Variants in GALNT13 observed in about 807,000 individuals in gnomAD.
GALNT13 encodes UDP-GalNAc:polypeptide N-acetylgalactosaminyltransferase 13.
A neutral mutation model predicts 64.2 loss-of-function variants in GALNT13; 28 were observed. The ratio of observed to expected loss-of-function variants is 0.44; its 90% CI spans 0.32 to 0.60. The LOEUF is 0.60. GALNT13 is among the 20% of genes least tolerant of loss of function. GALNT13 has a pLI of 0.05. For synonymous variants in GALNT13, 214 were observed against 224.6 expected (o/e 0.95, Z 0.42); for missense variants, 577 against 669.8 (o/e 0.86, Z 1.53).
the GALNT13 span, among the ~76,000 whole-genome samples, chr2:153,792,030 T>C: frequency 2.0e-5 from 3 of 152,144 alleles, no homozygotes; most frequent in Non-Finnish European, 4.4e-5. Flanking sequence ...TTTACCTATA[T>C]AACAAACGTA....
At chr2:153,514,598 T>C in the GALNT13 span, among the ~76,000 whole-genome samples, 1 of 152,082 alleles carries the variant, frequency 6.6e-6, no homozygotes, top group East Asian at 1.9e-4. Flanking sequence ...ACATCTCCCC[T>C]CTCTTCTCCT....
the GALNT13 span, among the ~76,000 whole-genome samples, chr2:153,156,281 C>G: frequency 6.6e-6 from 1 of 152,148 alleles, no homozygotes; most frequent in African/African-American, 2.4e-5. Flanking sequence ...TTTCTTCTAA[C>G]AATTCTGTCA....
At chr2:153,443,287 G>C in the GALNT13 span, among the ~76,000 whole-genome samples, 120,197 of 152,064 alleles carry the variant, frequency 0.79, 48,417 homozygotes, top group Middle Eastern at 0.87. Flanking sequence ...CACAGCTTCC[G>C]TTGGCTAAAG....
intron 4 of GALNT13, among the ~76,000 whole-genome samples, chr2:154,233,058 GAAAA>G (rs1689012245): frequency 7.5e-6 from 1 of 134,030 alleles, no homozygotes; most frequent in African/African-American, 2.8e-5. Flanking sequence ...AAAAAAAAAA[GAAAA>G]AGAAAAGAAA....
the GALNT13 span, among the ~76,000 whole-genome samples, chr2:153,689,235 T>C: frequency 3.9e-5 from 6 of 152,050 alleles, no homozygotes; most frequent in Admixed American, 3.9e-4. Flanking sequence ...TATTCCCATT[T>C]TCATTCAGAT....
At chr2:153,647,866 T>C in the GALNT13 span, among the ~76,000 whole-genome samples, 17 of 152,212 alleles carry the variant, frequency 1.1e-4, no homozygotes, top group Admixed American at 2.0e-4. Context: ...TTGGTTACTG[T>C]AGCCTTGTAG....
intron 2 of GALNT13, among the ~76,000 whole-genome samples, chr2:153,914,791 T>A (rs1008797278): frequency 2.0e-5 from 3 of 152,196 alleles, no homozygotes; most frequent in African/African-American, 7.2e-5. Context: ...CAGTGTTTTT[T>A]TTCCAACCCT....
the GALNT13 span, among the ~76,000 whole-genome samples, chr2:153,215,760 A>AT: frequency 0.3 from 44,661 of 146,902 alleles, 6,748 homozygotes; most frequent in Middle Eastern, 0.42. Context: ...TCTTTCTAGC[A>AT]TTTTTTTTTT....
chr2:153,888,670 C>A (rs554653427), intron 1 of GALNT13, among the ~76,000 whole-genome samples: 1 of 151,988 alleles, frequency 6.6e-6, no homozygotes, highest in East Asian at 1.9e-4. Flanking sequence ...TAAACAATTT[C>A]TACATAAAAT....
chr2:154,245,346 G>A (rs1689725265), intron 6 of GALNT13, among the ~76,000 whole-genome samples: 1 of 151,950 alleles, frequency 6.6e-6, no homozygotes, highest in African/African-American at 2.4e-5. Context: ...TTCCTAGTAG[G>A]TGTTTTCTCC....
chr2:153,223,785 C>A, the GALNT13 span, among the ~76,000 whole-genome samples: 5 of 151,798 alleles, frequency 3.3e-5, no homozygotes, highest in African/African-American at 1.2e-4. Flanking sequence ...ATGGTGAAAT[C>A]CCGCCTCTAC....
intron 1 of GALNT13, among the ~76,000 whole-genome samples, chr2:153,877,563 T>C (rs1394566379): frequency 6.6e-6 from 1 of 152,160 alleles, no homozygotes; most frequent in Non-Finnish European, 1.5e-5. Context: ...CTCTTTTTTG[T>C]TAATAAAGTG....
chr2:153,456,160 A>C, the GALNT13 span, among the ~76,000 whole-genome samples: 11 of 152,206 alleles, frequency 7.2e-5, no homozygotes, highest in African/African-American at 2.4e-4. Context: ...GCAACATTCA[A>C]GCAGGAAAAC....
At chr2:153,802,791 A>C in the GALNT13 span, among the ~76,000 whole-genome samples, 1 of 152,228 alleles carries the variant, frequency 6.6e-6, no homozygotes, top group Non-Finnish European at 1.5e-5. Flanking sequence ...CATTACAGAA[A>C]CCAAAAGCTC....
the GALNT13 span, among the ~76,000 whole-genome samples, chr2:153,444,276 T>A: frequency 6.6e-6 from 1 of 152,166 alleles, no homozygotes. Context: ...CCCTCTTAGA[T>A]CATAAACGCC....
chr2:154,344,124 T>C (rs555673124), intron 9 of GALNT13, among the ~76,000 whole-genome samples: 84 of 152,158 alleles, frequency 5.5e-4, no homozygotes, highest in African/African-American at 1.8e-3. Context: ...TACAGATTCC[T>C]TAGTAGATAG....
At chr2:153,214,158 G>T in the GALNT13 span, among the ~76,000 whole-genome samples, 1 of 152,080 alleles carries the variant, frequency 6.6e-6, no homozygotes, top group African/African-American at 2.4e-5. Context: ...TCTACTTCAA[G>T]AATTTTGCAA....
chr2:153,795,749 T>C, the GALNT13 span, among the ~76,000 whole-genome samples: 6 of 152,178 alleles, frequency 3.9e-5, no homozygotes, highest in African/African-American at 1.4e-4. Context: ...ATCAGTTCTG[T>C]TGACTTGTTT....
chr2:154,393,082 T>C (rs1167165699), intron 9 of GALNT13, among the ~76,000 whole-genome samples: 1 of 152,242 alleles, frequency 6.6e-6, no homozygotes, highest in Non-Finnish European at 1.5e-5. Flanking sequence ...AATTTTTGAC[T>C]TGTCAAATTT....
Sources: gnomAD v4.1 joint callset for allele counts (sites outside exome capture counted in the v4.1 genomes callset) on GRCh38, gnomAD v4.1.1 for gene constraint, MANE v1.5 for transcripts, NCBI Gene and HGNC (gene_info 2026-07-23, HGNC 2026-07-21) for gene names.